PRKCA: variants seen among roughly 807,000 people sequenced by gnomAD.
PRKCA encodes protein kinase C alpha.
Under a neutral mutation model 87.0 loss-of-function variants are expected in PRKCA, and 27 were observed. The observed-to-expected ratio is 0.31, with a 90% CI of 0.23 to 0.43. The LOEUF (loss-of-function observed/expected upper bound fraction) is 0.43. Among genes scored for constraint, PRKCA ranks in the 20% least tolerant of loss-of-function variants. The probability of loss-of-function intolerance (pLI) is 1.00; values close to 1 mark genes in which losing one functional copy is unlikely to be tolerated. For missense variants in PRKCA, 518 were observed against 852.3 expected (o/e 0.61, Z 4.88); for synonymous variants, 329 against 311.1 (o/e 1.06, Z -0.61).
intron 2 of PRKCA, among the ~76,000 whole-genome samples, chr17:66,410,929 C>T (rs967180639): frequency 2.6e-5 from 4 of 152,230 alleles, no homozygotes; most frequent in African/African-American, 9.6e-5. Flanking sequence ...TGTGTGCGCT[C>T]TACTCTGGAC....
chr17:66,790,554 A>G (rs1568036262), intron 16 of PRKCA, among the ~76,000 whole-genome samples: 1 of 152,040 alleles, frequency 6.6e-6, no homozygotes, highest in Non-Finnish European at 1.5e-5. Context: ...TTCTGCCTTT[A>G]ATATTTATTT....
chr17:66,410,852 A>G (rs1225035037), intron 2 of PRKCA, among the ~76,000 whole-genome samples: 1 of 152,198 alleles, frequency 6.6e-6, no homozygotes, highest in Non-Finnish European at 1.5e-5. Context: ...CTGGGATTAC[A>G]GGCGTGAGCC....
intron 8 of PRKCA, among the ~76,000 whole-genome samples, chr17:66,722,994 G>T (rs1282252076): frequency 1.3e-5 from 2 of 152,188 alleles, no homozygotes; most frequent in East Asian, 3.8e-4. Context: ...ACCCCTTAGA[G>T]GGCTTCAGCA....
chr17:66,445,629 A>G (rs1308155973), intron 2 of PRKCA, among the ~76,000 whole-genome samples: 1 of 152,164 alleles, frequency 6.6e-6, no homozygotes, highest in African/African-American at 2.4e-5. Context: ...TGCTCAGGAC[A>G]GCAATACCAG....
chr17:66,789,638 ATGGGTACTATGG>A (rs1975483855), intron 16 of PRKCA, among the ~76,000 whole-genome samples: 2 of 152,154 alleles, frequency 1.3e-5, no homozygotes, highest in Admixed American at 6.5e-5. Flanking sequence ...GCCCTGTGAG[ATGGGTACTATGG>A]TCCCCAGTTT....
At chr17:66,429,747 T>C (rs1458019174) in intron 2 of PRKCA, among the ~76,000 whole-genome samples, 1 of 152,184 alleles carries the variant, frequency 6.6e-6, no homozygotes, top group African/African-American at 2.4e-5. Context: ...CTGCAAAATT[T>C]AGGCAAAGGT....
chr17:66,349,984 G>T (rs1471321342), intron 2 of PRKCA, among the ~76,000 whole-genome samples: 2 of 152,046 alleles, frequency 1.3e-5, no homozygotes, highest in Non-Finnish European at 2.9e-5. Context: ...TCCACCCTAG[G>T]AGCCGGCGTG....
intron 2 of PRKCA, among the ~76,000 whole-genome samples, chr17:66,381,653 A>G (rs1005187567): frequency 1.3e-5 from 2 of 152,216 alleles, no homozygotes; most frequent in Admixed American, 6.5e-5. Flanking sequence ...ATGGAGCAGC[A>G]AAATAGATGT....
At chr17:66,333,771 G>A (rs1906493714) in intron 2 of PRKCA, among the ~76,000 whole-genome samples, 2 of 152,244 alleles carry the variant, frequency 1.3e-5, no homozygotes, top group East Asian at 3.9e-4. Flanking sequence ...ACAAGTAGAA[G>A]TAGGTCTAGT....
At chr17:66,554,041 G>T (rs1323726326) in intron 3 of PRKCA, among the ~76,000 whole-genome samples, 3 of 152,168 alleles carry the variant, frequency 2.0e-5, no homozygotes, top group Non-Finnish European at 4.4e-5. Context: ...AGACCTGTAA[G>T]TGAAGAACTG....
chr17:66,588,418 G>A (rs1969686849), intron 3 of PRKCA, among the ~76,000 whole-genome samples: 3 of 151,812 alleles, frequency 2.0e-5, no homozygotes, highest in Non-Finnish European at 2.9e-5. Flanking sequence ...TCTTCTGCTG[G>A]GATTTGACAT....
At chr17:66,603,629 A>G (rs1196764976) in intron 3 of PRKCA, among the ~76,000 whole-genome samples, 1 of 152,118 alleles carries the variant, frequency 6.6e-6, no homozygotes, top group Non-Finnish European at 1.5e-5. Context: ...AAAATTTACC[A>G]CTTTTAACTG....
At chr17:66,482,292 C>A (rs1915823448) in intron 2 of PRKCA, among the ~76,000 whole-genome samples, 1 of 151,948 alleles carries the variant, frequency 6.6e-6, no homozygotes, top group Non-Finnish European at 1.5e-5. Flanking sequence ...GGCATGCAAT[C>A]ATTGACTTCA....
At chr17:66,614,362 A>G (rs17759657) in intron 3 of PRKCA, among the ~76,000 whole-genome samples, 1 of 152,182 alleles carries the variant, frequency 6.6e-6, no homozygotes, top group African/African-American at 2.4e-5. Flanking sequence ...ATGGAAATTG[A>G]TATTTTTGAG....
In PRKCA at chr17:66,773,271, A is replaced by G. The variant is rs556294698; in HGVS notation, c.1525-716A>G. On this transcript the variant is annotated intron_variant, in intron 13 of 16. Transcript: ENST00000413366. ...AATTTTCTTTGTTGCAGTTGGCTCT[A>G]GATACTATATTTGCTTACTATATTT... Among the ~76,000 whole-genome samples, 3 of 152,324 alleles carry G rather than the reference A, an allele frequency of 2.0e-5. No homozygotes were observed. In the South Asian group the frequency reaches 6.2e-4, roughly 32 times the overall value.
Position 66,752,049 on chromosome 17 carries a change from G to A in PRKCA, c.1524+9289G>A, listed in dbSNP as rs553764722. Reference sequence around the variant, plus strand: ...ACATTTCAACATGAAATGTGGGTAGGGACACAGATCCAAACTGTATTATAA... The same window carrying A: ...ACATTTCAACATGAAATGTGGGTAGAGACACAGATCCAAACTGTATTATAA... On this transcript the variant is annotated intron_variant, in intron 13 of 16. Transcript: ENST00000413366. Among the ~76,000 whole-genome samples the A allele has an allele frequency of 2.6e-5, 4 of 152,286 alleles. No individual in the cohort carries two copies. In the South Asian group the frequency reaches 6.2e-4, roughly 24 times the overall value.
At chr17:66,343,302 A>G (rs1042782165) in intron 2 of PRKCA, among the ~76,000 whole-genome samples, 3 of 152,066 alleles carry the variant, frequency 2.0e-5, no homozygotes, top group African/African-American at 7.2e-5. Flanking sequence ...TACTTAATCC[A>G]TTTCCTCTCT....
intron 13 of PRKCA, among the ~76,000 whole-genome samples, chr17:66,748,718 G>A (rs2144256607): frequency 6.6e-6 from 1 of 152,222 alleles, no homozygotes; most frequent in African/African-American, 2.4e-5. Flanking sequence ...GTAAATGGAA[G>A]GAAAGAAAGT....
chr17:66,688,891 G>A, intron 7 of PRKCA, 60 bp from the exon 8 acceptor site: 1 of 1,076,096 alleles, frequency 9.3e-7, no homozygotes, highest in South Asian at 1.4e-5. Context: ...CTCGACTAGA[G>A]GCTGCAGGAA....
Sources: gnomAD v4.1 joint callset for allele counts (sites outside exome capture counted in the v4.1 genomes callset) on GRCh38, gnomAD v4.1.1 for gene constraint, MANE v1.5 for transcripts, NCBI Gene and HGNC (gene_info 2026-07-23, HGNC 2026-07-21) for gene names.